DAPK1: variants seen among roughly 807,000 people sequenced by gnomAD.
The protein encoded by DAPK1 is death-associated protein kinase 1.
Under a neutral mutation model 144.9 loss-of-function variants are expected in DAPK1, and 56 were observed. The ratio of observed to expected loss-of-function variants is 0.39; its 90% confidence interval spans 0.31 to 0.48. The LOEUF is 0.48. Ranked by LOEUF, DAPK1 falls within the 20% of genes least tolerant of loss-of-function variation. The pLI, the probability that DAPK1 is intolerant of heterozygous loss-of-function variation, is 0.95. For missense variants in DAPK1, 1,454 were observed against 1,875.4 expected (o/e 0.78, Z 4.15); for synonymous variants, 690 against 749.0 (o/e 0.92, Z 1.29).
chr9:87,657,942 C>T (rs1013450470), intron 17 of DAPK1, 87 bp from the exon 18 acceptor site: 4 of 718,678 alleles, frequency 5.6e-6, no homozygotes, highest in Admixed American at 2.0e-5. Flanking sequence ...TGGGCCCTGA[C>T]CCCTTCCTTA....
At chr9:87,582,936 CAGCAGCAGT>C (rs915505047) in intron 2 of DAPK1, among the ~76,000 whole-genome samples, 4 of 152,048 alleles carry the variant, frequency 2.6e-5, no homozygotes, top group African/African-American at 4.8e-5. Context: ...GCAGCAGCAG[CAGCAGCAGT>C]AGCTGCTGCA....
intron 2 of DAPK1, among the ~76,000 whole-genome samples, chr9:87,538,180 T>A (rs1297473789): frequency 6.6e-6 from 1 of 152,210 alleles, no homozygotes; most frequent in African/African-American, 2.4e-5. Context: ...TGAAGTATAG[T>A]CTAATAATTG....
chr9:87,499,190 G>A, intron 2 of DAPK1, 51 bp downstream of exon 2: 1 of 1,476,548 alleles, frequency 6.8e-7, no homozygotes, highest in Non-Finnish European at 9.5e-7. Context: ...AATGCATAAC[G>A]ATGGGGCCAT....
In DAPK1 at chr9:87,531,985, C is replaced by G. The variant is rs559781662; in HGVS notation, c.62+32846C>G. ...GGTTTTGCCTTTTAAGAGGCATCAT[C>G]ATTACTAACAAACACGTTCCTGAAC... is the stretch of plus-strand genomic sequence containing the variant. On this transcript the variant is annotated intron_variant, in intron 2 of 25. Coordinates refer to ENST00000408954, the MANE Select transcript of DAPK1 (RefSeq NM_004938.4). Among the ~76,000 whole-genome samples the G allele has an allele frequency of 2.0e-5, 3 of 152,312 alleles. No homozygotes were observed. In the East Asian group the frequency reaches 5.8e-4, roughly 29 times the overall value.
chr9:87,625,168 T>C (rs761325284), intron 3 of DAPK1, among the ~76,000 whole-genome samples: 28 of 152,228 alleles, frequency 1.8e-4, no homozygotes, highest in Admixed American at 5.2e-4. Flanking sequence ...TGTTAATCGC[T>C]GTCCCAGAAG....
intron 3 of DAPK1, among the ~76,000 whole-genome samples, chr9:87,613,903 A>G (rs1364013651): frequency 6.6e-6 from 1 of 152,110 alleles, no homozygotes; most frequent in African/African-American, 2.4e-5. Flanking sequence ...TGACTTTTTG[A>G]ACTTTTGTCT....
chr9:87,533,764 G>A (rs1051573905), intron 2 of DAPK1, among the ~76,000 whole-genome samples: 2 of 152,204 alleles, frequency 1.3e-5, no homozygotes, highest in African/African-American at 4.8e-5. Context: ...TCTGGCTTAA[G>A]CGATTCTCCT....
At chr9:87,641,485 C>T (rs1006209709) in intron 9 of DAPK1, among the ~76,000 whole-genome samples, 1 of 152,120 alleles carries the variant, frequency 6.6e-6, no homozygotes, top group Non-Finnish European at 1.5e-5. Flanking sequence ...CAGCAGTTAC[C>T]TGGGTTCTCC....
chr9:87,610,710 T>G (rs79314153), intron 3 of DAPK1, among the ~76,000 whole-genome samples: 11 of 152,326 alleles, frequency 7.2e-5, no homozygotes, highest in Admixed American at 3.9e-4. Flanking sequence ...GCACCAGCCG[T>G]GGAGACTGTG....
chr9:87,675,213 G>T (rs1824319358), intron 19 of DAPK1, among the ~76,000 whole-genome samples: 1 of 152,104 alleles, frequency 6.6e-6, no homozygotes, highest in African/African-American at 2.4e-5. Context: ...AGAAAGGGTT[G>T]CTGCCTCCTG....
At chr9:87,538,074 TTA>T (rs1825921648) in intron 2 of DAPK1, among the ~76,000 whole-genome samples, 2 of 152,204 alleles carry the variant, frequency 1.3e-5, no homozygotes, top group African/African-American at 4.8e-5. Context: ...CTAATTAAAG[TTA>T]AAGCTACAAT....
intron 24 of DAPK1, among the ~76,000 whole-genome samples, chr9:87,700,496 T>C (rs7030109): frequency 0.23 from 35,168 of 152,056 alleles, 4,790 homozygotes; most frequent in East Asian, 0.44. Flanking sequence ...CAATATTTTA[T>C]TTATTTATTT....
chr9:87,556,382 G>A (rs1329870117), intron 2 of DAPK1, among the ~76,000 whole-genome samples: 4 of 152,352 alleles, frequency 2.6e-5, no homozygotes, highest in African/African-American at 4.8e-5. Flanking sequence ...GGGTGCCCAC[G>A]TGTGTGTACC....
intron 2 of DAPK1, among the ~76,000 whole-genome samples, chr9:87,554,927 T>C (rs997342846): frequency 2.6e-5 from 4 of 152,102 alleles, no homozygotes; most frequent in African/African-American, 9.7e-5. Flanking sequence ...CAATCTACAG[T>C]GAGAATCTAA....
intron 2 of DAPK1, among the ~76,000 whole-genome samples, chr9:87,598,826 TC>T (rs1227992874): frequency 9.2e-5 from 14 of 152,240 alleles, no homozygotes; most frequent in African/African-American, 3.4e-4. Flanking sequence ...AATGCTGCCA[TC>T]CTTGTGCCTT....
At chr9:87,502,953 A>G (rs766119081) in intron 2 of DAPK1, among the ~76,000 whole-genome samples, 14 of 152,174 alleles carry the variant, frequency 9.2e-5, no homozygotes, top group Non-Finnish European at 1.8e-4. Context: ...CAATGAGCTA[A>G]TGCAGTTTGG....
intron 2 of DAPK1, among the ~76,000 whole-genome samples, chr9:87,574,087 A>G (rs779403188): frequency 2.6e-5 from 4 of 152,178 alleles, no homozygotes; most frequent in Non-Finnish European, 5.9e-5. Context: ...ATTAGCCATC[A>G]CATCTTCATT....
chr9:87,574,447 T>G (rs1043594863), intron 2 of DAPK1, among the ~76,000 whole-genome samples: 5 of 152,346 alleles, frequency 3.3e-5, no homozygotes, highest in Middle Eastern at 3.4e-3. Context: ...TTCCCAGCCA[T>G]TTTATATATA....
chr9:87,508,388 G>A (rs1028880583), intron 2 of DAPK1, among the ~76,000 whole-genome samples: 9 of 149,880 alleles, frequency 6.0e-5, no homozygotes, highest in Non-Finnish European at 1.0e-4. Flanking sequence ...TGTCGCCCAG[G>A]CTGGAGTGCA....
Sources: gnomAD v4.1 joint callset for allele counts (sites outside exome capture counted in the v4.1 genomes callset) on GRCh38, gnomAD v4.1.1 for gene constraint, MANE v1.5 for transcripts, NCBI Gene and HGNC (gene_info 2026-07-23, HGNC 2026-07-21) for gene names.